Variants in GRID1 observed in about 807,000 individuals in gnomAD.
The protein encoded by GRID1 is glutamate ionotropic receptor delta type subunit 1.
In GRID1, 28 loss-of-function variants were observed where a neutral mutation model predicts 98.0. The ratio of observed to expected loss-of-function variants is 0.29; its 90% CI spans 0.21 to 0.39. The LOEUF (loss-of-function observed/expected upper bound fraction) is 0.39. GRID1 is among the 10% of genes least tolerant of loss of function. GRID1 has a pLI of 1.00. For synonymous variants in GRID1, 553 were observed against 538.5 expected (o/e 1.03, Z -0.37); for missense variants, 1,111 against 1,340.5 (o/e 0.83, Z 2.67).
intron 6 of GRID1, among the ~76,000 whole-genome samples, chr10:85,866,766 A>G (rs1218517665): frequency 1.3e-5 from 2 of 152,194 alleles, no homozygotes; most frequent in Non-Finnish European, 2.9e-5. Flanking sequence ...ATAAACAAAT[A>G]ATAATAATGA....
intron 2 of GRID1, among the ~76,000 whole-genome samples, chr10:86,211,488 G>T (rs1438372246): frequency 6.6e-6 from 1 of 152,196 alleles, no homozygotes; most frequent in Non-Finnish European, 1.5e-5. Context: ...TCGGCATTGG[G>T]GGTGTGGGGG....
chr10:86,325,189 A>G (rs1848030477), intron 2 of GRID1, among the ~76,000 whole-genome samples: 1 of 152,252 alleles, frequency 6.6e-6, no homozygotes, highest in Non-Finnish European at 1.5e-5. Context: ...TCTCACTTGT[A>G]TACGTTTACC....
intron 8 of GRID1, among the ~76,000 whole-genome samples, chr10:85,796,678 T>G (rs1842528989): frequency 6.6e-6 from 1 of 150,414 alleles, no homozygotes; most frequent in Non-Finnish European, 1.5e-5. Context: ...TAATTTAAGC[T>G]CATAGTTAAA....
At chr10:85,674,977 C>T (rs527664816) in intron 12 of GRID1, among the ~76,000 whole-genome samples, 4 of 152,240 alleles carry the variant, frequency 2.6e-5, no homozygotes, top group South Asian at 2.1e-4. Context: ...TTTTTTAGGG[C>T]TCATTTCTGG....
chr10:85,977,257 A>C (rs1589321374), intron 4 of GRID1, among the ~76,000 whole-genome samples: 2 of 152,320 alleles, frequency 1.3e-5, no homozygotes, highest in South Asian at 2.1e-4. Context: ...CTTTCCTTCC[A>C]TCCTAAAGCC....
At chr10:86,339,376 C>T (rs1036110958) in intron 2 of GRID1, among the ~76,000 whole-genome samples, 5 of 152,204 alleles carry the variant, frequency 3.3e-5, no homozygotes, top group African/African-American at 1.2e-4. Flanking sequence ...GGGATTGGCA[C>T]GGGCCTGCCC....
intron 12 of GRID1, among the ~76,000 whole-genome samples, chr10:85,708,180 G>A (rs1182387871): frequency 1.8e-4 from 27 of 150,926 alleles, no homozygotes; most frequent in South Asian, 6.3e-4. Flanking sequence ...CGAGGTGGGC[G>A]GATCACGAGG....
chr10:86,268,673 A>G (rs528058268), intron 2 of GRID1, among the ~76,000 whole-genome samples: 4 of 152,286 alleles, frequency 2.6e-5, no homozygotes, highest in African/African-American at 9.6e-5. Context: ...AAAAAGTAAG[A>G]GGCACGTGAA....
chr10:86,178,011 G>C (rs1845601724), intron 3 of GRID1, among the ~76,000 whole-genome samples: 1 of 152,052 alleles, frequency 6.6e-6, no homozygotes, highest in Non-Finnish European at 1.5e-5. Flanking sequence ...ACAGCCTTGA[G>C]GGGCACCAGG....
chr10:85,869,641 C>T (rs185899973), intron 5 of GRID1, among the ~76,000 whole-genome samples: 11 of 152,246 alleles, frequency 7.2e-5, no homozygotes, highest in South Asian at 2.1e-4. Flanking sequence ...TATTTGCACA[C>T]GAATTTTGAG....
rs2132011413 is a variant in GRID1, at chr10:86,195,607, C to T, written c.520+10757G>A. On this transcript the variant is annotated intron_variant, in intron 3 of 15. Coordinates refer to ENST00000327946, the MANE Select transcript of GRID1 (RefSeq NM_017551.3). The surrounding 1 kb of genome is among the most constrained non-coding windows in gnomAD (Gnocchi z 4.4). The stretch of plus-strand genomic sequence containing the variant: ...GCGTGCCAGGTTCATGTGCAGCCTC[C>T]TACCCTGGCTGGGGGTTGGCAGCAA... Among the ~76,000 whole-genome samples, 1 of 152,248 alleles carries T rather than the reference C, an allele frequency of 6.6e-6. No individual in the cohort carries two copies. Among genetic ancestry groups the T allele is most frequent in the East Asian group, 1.9e-4 (1 of 5,184 alleles).
intron 4 of GRID1, among the ~76,000 whole-genome samples, chr10:85,996,050 G>GT (rs1842735747): frequency 6.6e-6 from 1 of 152,214 alleles, no homozygotes. Context: ...GCTGACATTG[G>GT]TAACAGCCCA....
intron 2 of GRID1, among the ~76,000 whole-genome samples, chr10:86,250,660 T>C (rs986558306): frequency 1.6e-4 from 23 of 142,234 alleles, no homozygotes; most frequent in Non-Finnish European, 3.2e-4. Flanking sequence ...AGCCCCCGCC[T>C]GGCCAGCCGC....
chr10:85,901,431 G>C (rs1249315442), intron 5 of GRID1, among the ~76,000 whole-genome samples: 1 of 151,952 alleles, frequency 6.6e-6, no homozygotes, highest in Non-Finnish European at 1.5e-5. Context: ...TGTATTTTTA[G>C]TAGAGACGGG....
chr10:85,925,409 G>T (rs1359239032), intron 4 of GRID1, among the ~76,000 whole-genome samples: 1 of 152,180 alleles, frequency 6.6e-6, no homozygotes, highest in African/African-American at 2.4e-5. Context: ...TGCCCACCCT[G>T]GTTTGGCGGG....
intron 2 of GRID1, among the ~76,000 whole-genome samples, chr10:86,260,506 T>A (rs1276423784): frequency 6.6e-6 from 1 of 152,190 alleles, no homozygotes. Flanking sequence ...TGGACTCTAA[T>A]GGGACCTTCA....
intron 8 of GRID1, among the ~76,000 whole-genome samples, chr10:85,737,658 A>ATATATATATATAAACATATATGGTTT (rs1564575068): frequency 1.5e-5 from 2 of 132,478 alleles, no homozygotes; most frequent in Non-Finnish European, 3.2e-5. Context: ...ATATATATAT[A>ATATATATATATAAACATATATGGTTT]TATATATATA....
chr10:86,010,814 C>CAAAAAAAAAAA, intron 4 of GRID1, among the ~76,000 whole-genome samples: 1 of 114,546 alleles, frequency 8.7e-6, no homozygotes, highest in Non-Finnish European at 1.8e-5. Flanking sequence ...ACTATGTCTC[C>CAAAAAAAAAAA]AAAAAAAAAA....
In GRID1 at chr10:85,857,447, C is replaced by T. The variant is rs377184137; in HGVS notation, c.952-1257G>A. On this transcript the variant is annotated intron_variant, in intron 6 of 15. Coordinates refer to ENST00000327946, the MANE Select transcript of GRID1 (RefSeq NM_017551.3). ...AAATGGCACCCACCCTCCCAGGGGC[C>T]CAGCGGGAGCCCAATGGGGGAGAAG... Among the ~76,000 whole-genome samples, 178 of 152,072 alleles carry T rather than the reference C, an allele frequency of 1.2e-3. 1 individual carries two copies. The highest frequency in any genetic ancestry group is 4.2e-3 in the African/African-American group (176 of 41,462).
Sources: allele counts gnomAD v4.1 joint callset (sites outside exome capture counted in the v4.1 genomes callset), GRCh38; gene constraint gnomAD v4.1.1; non-coding constraint Gnocchi (gnomAD v3.1); transcripts MANE v1.5; gene names NCBI Gene and HGNC (gene_info 2026-07-23, HGNC 2026-07-21).